Variants in CCDC9 observed in about 807,000 individuals in gnomAD.
CCDC9 encodes the protein coiled-coil domain containing 9, also known as coiled-coil domain-containing protein 9.
Under a neutral mutation model 65.6 loss-of-function variants are expected in CCDC9, and 52 were observed. The observed-to-expected ratio is 0.79, with a 90% confidence interval of 0.63 to 1.00. CCDC9 has a LOEUF of 1.00. Among genes scored for constraint, CCDC9 ranks in the 50% least tolerant of loss-of-function variants. CCDC9 has a pLI of 0.00. For synonymous variants in CCDC9, 332 were observed against 280.3 expected, an observed-to-expected ratio of 1.18 and a Z score of -1.84; for missense variants, 834 against 757.2, an observed-to-expected ratio of 1.10 and a Z score of -1.19.
chr19:47,274,903 C>A (rs536132947), downstream of CCDC9: 22 of 1,281,768 alleles, frequency 1.7e-5, no homozygotes, highest in South Asian at 5.4e-5. Context: ...CGGCGCGGAG[C>A]CGAGTGGGCT....
chr19:47,265,727 G>A (rs1225612471), intron 7 of CCDC9, among the ~76,000 whole-genome samples: 3 of 148,338 alleles, frequency 2.0e-5, no homozygotes, highest in Admixed American at 6.8e-5. Context: ...TTGCTCCATC[G>A]CCCAGGCTGG....
Position 47,266,645 on chromosome 19 carries a change from T to C in CCDC9, c.755T>C (p.Met252Thr), listed in dbSNP as rs1405974877. Residue 252 changes from methionine to threonine, a missense_variant, in exon 8 of 12, where the codon ATG becomes ACG. Transcript: ENST00000221922. ...RRAGLGSAGD[M>T]TLSMTGRERS... is the part of the protein sequence containing the mutation. Reference sequence around the variant, plus strand: ...GCTGGCCTGGGCAGTGCTGGAGACATGACGTTGTCCATGACGGGCCGGGAG... The same window carrying C: ...GCTGGCCTGGGCAGTGCTGGAGACACGACGTTGTCCATGACGGGCCGGGAG... 2 of 1,585,802 alleles carry C rather than the reference T, an allele frequency of 1.3e-6. No homozygotes were observed. The highest frequency in any genetic ancestry group is 2.3e-5 in the East Asian group (1 of 43,638).
chr19:47,265,123 T>C (rs2123462600), intron 7 of CCDC9, among the ~76,000 whole-genome samples, 177 bp downstream of exon 7: 1 of 152,230 alleles, frequency 6.6e-6, no homozygotes, highest in African/African-American at 2.4e-5. Context: ...AGTGGCACCA[T>C]CTCGGCTCAC....
In CCDC9 at chr19:47,271,577, G is replaced by C. The variant is rs141542901; in HGVS notation, c.1495G>C (p.Val499Leu). Reference protein sequence around the residue: ...PFSPPSGHQPVSDWGEEVELN... With the variant: ...PFSPPSGHQPLSDWGEEVELN... ...CTCACCACCCAGCGGCCACCAGCCT[G>C]TGTCCGATTGGGGTGAAGAGGTGGA... is the stretch of plus-strand genomic sequence containing the variant. Residue 499 changes from valine to leucine, a missense_variant, in exon 12 of 12, where the codon GTG becomes CTG. Val to Leu is a conservative substitution (Grantham distance 32, BLOSUM62 1). Coordinates refer to ENST00000221922, the MANE Select transcript of CCDC9 (RefSeq NM_015603.3). 6.2e-7 allele frequency: 1 copy of C among 1,613,188 alleles called. No homozygotes were observed. Among genetic ancestry groups the C allele is most frequent in the Non-Finnish European group, 8.5e-7 (1 of 1,179,976 alleles).
chr19:47,260,405 A>C lies in CCDC9; in HGVS notation c.193A>C (p.Asn65His), dbSNP rs1265581572. Residue 65 changes from asparagine to histidine, a missense_variant, in exon 4 of 12, where the codon AAC (asparagine) becomes CAC (histidine). Physicochemically the swap from Asn to His is moderately conservative, Grantham distance 68. Coordinates refer to ENST00000221922, the MANE Select transcript of CCDC9 (RefSeq NM_015603.3). Reference sequence around the variant, plus strand: ...AAAGGGCCGCTCAGTGGAGAAGGAGAACGTGGCAGTGGAGTCGGTGAGCTC... The same window carrying C: ...AAAGGGCCGCTCAGTGGAGAAGGAGCACGTGGCAGTGGAGTCGGTGAGCTC... The part of the protein sequence containing the change: ...PRKGRSVEKE[N>H]VAVESEKNLG... The C allele has an allele frequency of 6.2e-7, 1 of 1,607,826 alleles. No homozygotes were observed. The highest frequency in any genetic ancestry group is 1.1e-5 in the South Asian group (1 of 89,926).
intron 7 of CCDC9, 62 bp from the exon 8 acceptor site, chr19:47,266,548 CG>C (rs2059083458): frequency 1.4e-6 from 2 of 1,447,436 alleles, no homozygotes; most frequent in Non-Finnish European, 1.8e-6. Flanking sequence ...GGATGTGCCT[CG>C]GGGCTTAGGG....
chr19:47,274,890 C>G, downstream of CCDC9: 2 of 1,251,110 alleles, frequency 1.6e-6, no homozygotes, highest in South Asian at 3.1e-5. Context: ...CCTGTGCGGT[C>G]TGCGGCGCGG....
At chr19:47,268,840 C>A (rs531337572) in intron 8 of CCDC9, among the ~76,000 whole-genome samples, 1 of 151,898 alleles carries the variant, frequency 6.6e-6, no homozygotes, top group Admixed American at 6.6e-5. Context: ...ATGGTGTGAA[C>A]CTGGGAGGTG....
chr19:47,270,651 A>T lies in CCDC9; in HGVS notation c.1048A>T (p.Ser350Cys). 1.9e-6 allele frequency: 3 copies of T among 1,612,384 alleles called. No homozygotes were observed. The highest frequency in any genetic ancestry group is 1.1e-5 in the South Asian group (1 of 91,008). The change falls in exon 10 of 12, where the codon AGT (serine) becomes TGT (cysteine). Residue 350 changes from serine to cysteine, a missense_variant. Coordinates refer to ENST00000221922, the MANE Select transcript of CCDC9 (RefSeq NM_015603.3). Reference sequence around the variant, plus strand: ...CAGCAGCCGCAGAAGGAGAAAGAGCAGTCGGCCCCAGGCCAAGGCAGCGCC... The same window carrying T: ...CAGCAGCCGCAGAAGGAGAAAGAGCTGTCGGCCCCAGGCCAAGGCAGCGCC... The part of the protein sequence containing the change: ...EASSRRRRKS[S>C]RPQAKAAPRA...
chr19:47,274,354 A>G (rs1277895707), downstream of CCDC9: 1 of 103,324 alleles, frequency 9.7e-6, no homozygotes, highest in African/African-American at 3.8e-5. Flanking sequence ...GGCCATGGGC[A>G]TGGGGCGGGG....
At chr19:47,263,721 A>G (rs1458153147) in intron 5 of CCDC9, among the ~76,000 whole-genome samples, 1 of 151,912 alleles carries the variant, frequency 6.6e-6, no homozygotes, top group Non-Finnish European at 1.5e-5. Flanking sequence ...GCCCACCACC[A>G]TGCCCGGCTA....
chr19:47,272,307 A>T, downstream of CCDC9: 37 of 322,548 alleles, frequency 1.1e-4, no homozygotes, highest in Middle Eastern at 1.1e-3. Context: ...GAGCTCGGAT[A>T]GGGATGGGGG....
intron 8 of CCDC9, among the ~76,000 whole-genome samples, chr19:47,269,475 C>T (rs901774190): frequency 2.6e-5 from 4 of 151,982 alleles, no homozygotes; most frequent in African/African-American, 7.3e-5. Flanking sequence ...TTCAGCCTCC[C>T]GAGTAGCTGA....
chr19:47,274,855 G>A, downstream of CCDC9: 2 of 1,124,304 alleles, frequency 1.8e-6, no homozygotes, highest in Non-Finnish European at 1.1e-6. Context: ...CTGCGGGGTG[G>A]GGGCGGGGCC....
chr19:47,257,281 G>C (rs1388061928), intron 1 of CCDC9, among the ~76,000 whole-genome samples: 1 of 149,566 alleles, frequency 6.7e-6, no homozygotes, highest in African/African-American at 2.5e-5. Context: ...CCAGAGGGTT[G>C]ACTGGGCAGG....
At position 47,271,308 on chromosome 19, in the gene CCDC9, C is replaced by T. The variant is rs1252145466; in HGVS notation, c.1226C>T (p.Pro409Leu). Residue 409 changes from proline to leucine, a missense_variant, in exon 12 of 12, where the codon CCT becomes CTT. Transcript: ENST00000221922. ...PEIPAPAHRP[P>L]EDEGEENEGE... ...ATCCCAGCTCCTGCCCACCGGCCTCCTGAAGACGAGGGGGAAGAGAATGAG... is the reference window on the plus strand; with the variant it reads ...ATCCCAGCTCCTGCCCACCGGCCTCTTGAAGACGAGGGGGAAGAGAATGAG... 1.2e-6 allele frequency: 2 copies of T among 1,612,594 alleles called. No homozygotes were observed. Among genetic ancestry groups the T allele is most frequent in the East Asian group, 2.2e-5 (1 of 44,778 alleles).
chr19:47,273,841 G>A, downstream of CCDC9: 2 of 356,710 alleles, frequency 5.6e-6, no homozygotes, highest in Non-Finnish European at 8.1e-6. Context: ...GCTCACCCTT[G>A]AACTGTGTTT....
At chr19:47,275,535 CTG>C (rs1944421465), downstream of CCDC9, 1 of 779,668 alleles carries the variant, frequency 1.3e-6, no homozygotes, top group African/African-American at 1.9e-5. Flanking sequence ...TGCAGCTACT[CTG>C]TGGTCAGGCC....
At position 47,270,673 on chromosome 19, in the gene CCDC9, C is replaced by G. The variant is rs199892243; in HGVS notation, c.1070C>G (p.Ala357Gly). The G allele has an allele frequency of 1.2e-6, 2 of 1,611,314 alleles. No individual in the cohort carries two copies. Among genetic ancestry groups the G allele is most frequent in the Non-Finnish European group, 1.7e-6 (2 of 1,179,840 alleles). ...AGCAGTCGGCCCCAGGCCAAGGCAGCGCCCAGGGCCTACAGGTGGGGCACC... is the reference window on the plus strand; with the variant it reads ...AGCAGTCGGCCCCAGGCCAAGGCAGGGCCCAGGGCCTACAGGTGGGGCACC... Reference protein sequence around the residue: ...RKSSRPQAKAAPRAYSDHDDR... With the variant: ...RKSSRPQAKAGPRAYSDHDDR... The change falls in exon 10 of 12, where the codon GCG (alanine) becomes GGG (glycine). Residue 357 changes from alanine (A) to glycine (G), a missense_variant. Coordinates refer to ENST00000221922, the MANE Select transcript of CCDC9 (RefSeq NM_015603.3).
Sources: gnomAD v4.1 joint callset for allele counts (sites outside exome capture counted in the v4.1 genomes callset) on GRCh38, gnomAD v4.1.1 for gene constraint, MANE v1.5 for transcripts, NCBI Gene and HGNC (gene_info 2026-07-23, HGNC 2026-07-21) for gene names.